The following KAZN variants were observed in gnomAD, a reference collection of about 807,000 sequenced individuals.
The protein encoded by KAZN is kazrin.
KAZN carries 40 observed loss-of-function variants against 87.4 expected under a neutral mutation model. That is an observed-to-expected ratio of 0.46 (90% CI 0.36 to 0.60). The LOEUF (loss-of-function observed/expected upper bound fraction) is 0.60, where lower values mean the gene tolerates loss of function less well. Ranked by LOEUF, KAZN falls within the 20% of genes least tolerant of loss-of-function variation. The pLI is 0.00. For synonymous variants in KAZN, 466 were observed against 458.3 expected (o/e 1.02, Z -0.22); for missense variants, 898 against 1,073.9 (o/e 0.84, Z 2.29).
intron 2 of KAZN, among the ~76,000 whole-genome samples, chr1:15,014,718 A>G (rs896515125): frequency 1.1e-4 from 17 of 152,184 alleles, no homozygotes; most frequent in Non-Finnish European, 1.8e-4. Context: ...AAGGGCAGTT[A>G]GCTGAAAGCT....
chr1:14,560,409 A>G lies in KAZN; in HGVS notation c.250-38574A>G, dbSNP rs1286171677. On this transcript the variant is annotated intron_variant, in intron 2 of 16. Transcript: ENST00000636203. ...AGCCTGGCCAACATGATGAAACCCCATCTCTACTAAAATACAAAAATTAGC... is the reference window on the plus strand; with the variant it reads ...AGCCTGGCCAACATGATGAAACCCCGTCTCTACTAAAATACAAAAATTAGC... 5.3e-5 allele frequency among the ~76,000 whole-genome samples: 8 copies of G among 152,138 alleles called. No homozygotes were observed. In the East Asian group the frequency reaches 1.4e-3, roughly 26 times the overall value.
intron 1 of KAZN, among the ~76,000 whole-genome samples, chr1:14,091,747 A>T (rs1352328546): frequency 6.6e-6 from 1 of 152,208 alleles, no homozygotes; most frequent in Non-Finnish European, 1.5e-5. Flanking sequence ...ATGGTCATGT[A>T]TAGCGTGCAA....
chr1:14,337,469 T>C (rs1657352900), intron 2 of KAZN, among the ~76,000 whole-genome samples: 1 of 152,254 alleles, frequency 6.6e-6, no homozygotes, highest in African/African-American at 2.4e-5. Flanking sequence ...TCAATAGGTC[T>C]TGTATATTGT....
chr1:14,224,826 G>A (rs947352247), intron 2 of KAZN, among the ~76,000 whole-genome samples: 11 of 152,064 alleles, frequency 7.2e-5, no homozygotes, highest in Non-Finnish European at 7.4e-5. Flanking sequence ...TGTAACATCC[G>A]TTTGCTCCCT....
At chr1:14,530,366 C>T (rs1005145750) in intron 2 of KAZN, among the ~76,000 whole-genome samples, 5 of 152,208 alleles carry the variant, frequency 3.3e-5, no homozygotes, top group African/African-American at 4.8e-5. Context: ...GGACTGCAGC[C>T]TTCCTAAGCC....
At chr1:14,418,222 AGG>A (rs1664994023) in intron 2 of KAZN, among the ~76,000 whole-genome samples, 1 of 152,030 alleles carries the variant, frequency 6.6e-6, no homozygotes, top group Non-Finnish European at 1.5e-5. Context: ...GCTCAAATTC[AGG>A]AAGATCTGAG....
intron 1 of KAZN, among the ~76,000 whole-genome samples, chr1:14,027,328 C>A (rs1488166129): frequency 6.6e-6 from 1 of 152,182 alleles, no homozygotes; most frequent in Non-Finnish European, 1.5e-5. Context: ...GAGGCAGTTG[C>A]CATGGTAACC....
chr1:15,052,906 C>T (rs559544756), intron 4 of KAZN, among the ~76,000 whole-genome samples: 9 of 152,290 alleles, frequency 5.9e-5, no homozygotes, highest in Admixed American at 1.3e-4. Flanking sequence ...GATGAGACCC[C>T]GCCTGGGAGA....
chr1:14,570,960 T>C (rs1674828125), intron 2 of KAZN, among the ~76,000 whole-genome samples: 1 of 152,152 alleles, frequency 6.6e-6, no homozygotes, highest in African/African-American at 2.4e-5. Context: ...TACCTGAATT[T>C]CTCATCTGCA....
At chr1:14,155,636 TTTCTTCTTCTTC>T (rs369190328) in intron 1 of KAZN, among the ~76,000 whole-genome samples, 3 of 151,456 alleles carry the variant, frequency 2.0e-5, no homozygotes, top group Non-Finnish European at 4.4e-5. Context: ...ATTTGGTATT[TTTCTTCTTCTTC>T]TTCTTCTTCT....
chr1:14,620,154 G>A (rs772903673), intron 1 of KAZN, among the ~76,000 whole-genome samples: 2 of 152,220 alleles, frequency 1.3e-5, no homozygotes, highest in Admixed American at 1.3e-4. Context: ...ACACGTGTAT[G>A]TATAGTCTCT....
Position 15,044,219 on chromosome 1 carries a change from C to T in KAZN, c.726+60C>T, listed in dbSNP as rs569817804. The T allele has an allele frequency of 4.4e-5, 46 of 1,037,286 alleles. No individual in the cohort carries two copies. In the African/African-American group the frequency reaches 6.8e-4, roughly 15 times the overall value. The allele number at this position is 1,037,286 out of a possible 1,614,324, so 64.3% of individuals were successfully genotyped here. A position where few individuals can be genotyped will look rare whatever the true frequency, so the allele number is the denominator to read the frequency against. On this transcript the variant is annotated intron_variant, in intron 4 of 14. Transcript: ENST00000376030. ...CTGCTAGCAGTGCCGTGCTGGGAGC[C>T]GGGACGTCTGGCACCGACTCACATC...
At chr1:14,668,711 C>T (rs755756429) in intron 1 of KAZN, among the ~76,000 whole-genome samples, 1 of 152,108 alleles carries the variant, frequency 6.6e-6, no homozygotes, top group Non-Finnish European at 1.5e-5. Context: ...CCCAGGCCTC[C>T]GTAAGGTGAT....
At chr1:15,101,894 C>G in intron 11 of KAZN, 120 bp downstream of exon 11, 1 of 675,722 alleles carries the variant, frequency 1.5e-6, no homozygotes, top group Non-Finnish European at 2.6e-6. Context: ...CCCATCCATC[C>G]ATCATCCAGC....
intron 1 of KAZN, among the ~76,000 whole-genome samples, chr1:14,942,991 G>A (rs971760942): frequency 7.0e-6 from 1 of 142,002 alleles, no homozygotes; most frequent in African/African-American, 2.8e-5. Context: ...GATGTGAGCT[G>A]CGTGTGTGTG....
intron 2 of KAZN, among the ~76,000 whole-genome samples, chr1:14,462,629 A>C (rs1324356592): frequency 6.6e-6 from 1 of 152,164 alleles, no homozygotes; most frequent in Non-Finnish European, 1.5e-5. Context: ...AAAGAGGTTT[A>C]ATGGACTCCC....
intron 4 of KAZN, among the ~76,000 whole-genome samples, chr1:15,048,638 C>T (rs1298453208): frequency 6.8e-6 from 1 of 147,738 alleles, no homozygotes; most frequent in Non-Finnish European, 1.5e-5. Context: ...GGTCCTGGGT[C>T]GTCGGTCCTG....
At chr1:14,411,539 G>C (rs1332192299) in intron 2 of KAZN, among the ~76,000 whole-genome samples, 1 of 152,172 alleles carries the variant, frequency 6.6e-6, no homozygotes. Context: ...CAAATGATCT[G>C]CCTGCCTGCC....
At chr1:14,243,412 G>T (rs1649160995) in intron 2 of KAZN, among the ~76,000 whole-genome samples, 1 of 152,098 alleles carries the variant, frequency 6.6e-6, no homozygotes, top group Non-Finnish European at 1.5e-5. Context: ...AGAGCAGAGT[G>T]ATCTATTGTA....
Sources: allele counts gnomAD v4.1 joint callset (sites outside exome capture counted in the v4.1 genomes callset), GRCh38; gene constraint gnomAD v4.1.1; transcripts MANE v1.5; gene names NCBI Gene and HGNC (gene_info 2026-07-23, HGNC 2026-07-21).